KLHL25: variants seen among roughly 807,000 people sequenced by gnomAD.
KLHL25 encodes kelch like family member 25.
Under a neutral mutation model 30.0 loss-of-function variants are expected in KLHL25, and 41 were observed. The ratio of observed to expected loss-of-function variants is 1.37; its 90% CI spans 1.07 to 1.78. The LOEUF (loss-of-function observed/expected upper bound fraction) is 1.78, where lower values mean the gene tolerates loss of function less well. KLHL25 is among the 40% of genes most tolerant of loss of function. The pLI is 0.00. For synonymous variants in KLHL25, 399 were observed against 355.3 expected (o/e 1.12, Z -1.38); for missense variants, 971 against 824.5 (o/e 1.18, Z -2.18).
chr15:85,768,033 G>C lies in KLHL25; in HGVS notation c.*8C>G. On this transcript the variant is annotated 3_prime_UTR_variant, in exon 2 of 3. Coordinates refer to ENST00000337975, the MANE Select transcript of KLHL25 (RefSeq NM_022480.4). ...GGGACTCACCTGGCTGGGCTCAGCA[G>C]GTGCTCCTCACGCGGGCAGGTGCTT... 1 of 1,605,452 alleles carries C rather than the reference G, an allele frequency of 6.2e-7. No homozygotes were observed. The highest frequency in any genetic ancestry group is 8.5e-7 in the Non-Finnish European group (1 of 1,173,724).
Position 85,769,332 on chromosome 15 carries a change from T to C in KLHL25, c.479A>G (p.Gln160Arg). 6.2e-7 allele frequency: 1 copy of C among 1,614,034 alleles called. No homozygotes were observed. Among genetic ancestry groups the C allele is most frequent in the East Asian group, 2.2e-5 (1 of 44,866 alleles). Residue 160 changes from glutamine to arginine, a missense_variant, in exon 2 of 3, where the codon CAG (glutamine) becomes CGG (arginine). Gln to Arg is a conservative substitution (Grantham distance 43, BLOSUM62 1). Coordinates refer to ENST00000337975, the MANE Select transcript of KLHL25 (RefSeq NM_022480.4). ...GGAGAACTCATACAGCCGGCGGCAC[T>C]GGTGGGCGTCCGAGAGCAGCATCAT... ...LGMMLLSDAH[Q>R]CRRLYEFSWR...
rs1168587788 is a variant in KLHL25, at chr15:85,768,346, C to T, written c.1465G>A (p.Val489Ile). Residue 489 changes from valine to isoleucine, a missense_variant, in exon 2 of 3, where the codon GTC becomes ATC. Physicochemically the swap from Val to Ile is conservative, Grantham distance 29. Transcript: ENST00000337975. ...PQPWRYTAAA[V>I]LGSQIFIMGG... ...ATGATGAAGATCTGGCTGCCCAGGA[C>T]GGCAGCGGCTGTGTACCGCCAAGGC... The T allele has an allele frequency of 6.2e-7, 1 of 1,613,768 alleles. No homozygotes were observed. The highest frequency in any genetic ancestry group is 8.5e-7 in the Non-Finnish European group (1 of 1,180,026).
Position 85,769,358 on chromosome 15 carries a change from G to A in KLHL25, c.453C>T (p.Gly151=), listed in dbSNP as rs759733531. The A allele has an allele frequency of 6.2e-7, 1 of 1,614,184 alleles. No homozygotes were observed. Among genetic ancestry groups the A allele is most frequent in the Non-Finnish European group, 8.5e-7 (1 of 1,180,026 alleles). The change falls in exon 2 of 3, where the codon GGC becomes GGT. Residue 151 remains glycine, a synonymous_variant. Coordinates refer to ENST00000337975, the MANE Select transcript of KLHL25 (RefSeq NM_022480.4). ...GGTGGGCGTCCGAGAGCAGCATCATGCCCAGGCAGTTGGAGGGGAAAAGGT... is the reference window on the plus strand; with the variant it reads ...GGTGGGCGTCCGAGAGCAGCATCATACCCAGGCAGTTGGAGGGGAAAAGGT... ...EKNLFPSNCL[G]MMLLSDAHQC...
In KLHL25 at chr15:85,766,792, C is replaced by T. The variant is rs566602258; in HGVS notation, c.*24+1225G>A. ...GCTCCAAGGCCCTCAAGGATGACCT[C>T]GCTTAAGCTAGACGCCTGCCGGCTT... is the stretch of plus-strand genomic sequence containing the variant. On this transcript the variant is annotated intron_variant, in intron 2 of 2. Coordinates refer to ENST00000337975, the MANE Select transcript of KLHL25 (RefSeq NM_022480.4). 1.1e-4 allele frequency among the ~76,000 whole-genome samples: 16 copies of T among 152,310 alleles called. No individual in the cohort carries two copies. The East Asian group carries it at 3.1e-3, about 29-fold the overall frequency.
In KLHL25 at chr15:85,780,004, G is replaced by A. The variant is rs556968959; in HGVS notation, c.-10-10184C>T. On this transcript the variant is annotated intron_variant, in intron 1 of 2. Transcript: ENST00000337975. Reference sequence around the variant, plus strand: ...GTTCTATTTACCAGGTAGGCCACCCGCAAGCCACACTTAAACCACCCTGCA... The same window carrying A: ...GTTCTATTTACCAGGTAGGCCACCCACAAGCCACACTTAAACCACCCTGCA... Among the ~76,000 whole-genome samples the A allele has an allele frequency of 1.1e-4, 16 of 152,252 alleles. No homozygotes were observed. In the South Asian group the frequency reaches 2.7e-3, roughly 26 times the overall value.
intron 1 of KLHL25, among the ~76,000 whole-genome samples, chr15:85,780,901 T>C (rs1357097188): frequency 6.6e-6 from 1 of 152,114 alleles, no homozygotes; most frequent in African/African-American, 2.4e-5. Flanking sequence ...TGCCTGCACA[T>C]GGTTACAAAA....
In KLHL25 at chr15:85,769,402, C is replaced by T. The variant is rs777330803; in HGVS notation, c.409G>A (p.Ala137Thr). ...AAAAGGTTCTTCTCCAGGAACTCGG[C>T]GGCAGCATCCCGCACATCGTGGAAC... ...LQFHDVRDAA[A>T]EFLEKNLFPS... The change falls in exon 2 of 3, where the codon GCC becomes ACC. Residue 137 changes from alanine (A) to threonine (T), a missense_variant. By Grantham distance (58) the Ala-to-Thr change is moderately conservative (BLOSUM62 0). Coordinates refer to ENST00000337975, the MANE Select transcript of KLHL25 (RefSeq NM_022480.4). 36 of 1,614,030 alleles carry T rather than the reference C, an allele frequency of 2.2e-5. No homozygotes were observed. The highest frequency in any genetic ancestry group is 3.3e-5 in the Admixed American group (2 of 60,010).
At position 85,769,750 on chromosome 15, in the gene KLHL25, T is replaced by A. The variant is rs769461693; in HGVS notation, c.61A>T (p.Thr21Ser). The A allele has an allele frequency of 1.2e-6, 2 of 1,613,476 alleles. No homozygotes were observed. The highest frequency in any genetic ancestry group is 2.2e-5 in the South Asian group (2 of 91,074). ...SRSSTGSMNV[T>S]LFHKASHPDC... ...GGGTGGGAGGCCTTGTGGAAGAGGG[T>A]GACGTTCATGGACCCCGTGCTGCTC... The change falls in exon 2 of 3, where the codon ACC becomes TCC. Residue 21 changes from threonine (T) to serine (S), a missense_variant. Transcript: ENST00000337975.
intron 1 of KLHL25, among the ~76,000 whole-genome samples, chr15:85,790,379 C>T (rs1414176442): frequency 6.6e-6 from 1 of 152,160 alleles, no homozygotes; most frequent in Admixed American, 6.6e-5. Context: ...TGAGCCACCT[C>T]GCCCGGTCCA....
chr15:85,771,254 T>C (rs1023191714), intron 1 of KLHL25: 1 of 150,408 alleles, frequency 6.6e-6, no homozygotes, highest in Non-Finnish European at 1.5e-5. Context: ...GCAAACTGCA[T>C]TCCAGTATCT....
chr15:85,774,144 C>T lies in KLHL25; in HGVS notation c.-10-4324G>A, dbSNP rs138940701. Reference sequence around the variant, plus strand: ...TGTGAGAGGGCCCAAAAGCAGGCCCCGGGAAGCCTCCCTGTGCCCATGGCT... The same window carrying T: ...TGTGAGAGGGCCCAAAAGCAGGCCCTGGGAAGCCTCCCTGTGCCCATGGCT... On this transcript the variant is annotated intron_variant, in intron 1 of 2. Coordinates refer to ENST00000337975, the MANE Select transcript of KLHL25 (RefSeq NM_022480.4). 2.1e-4 allele frequency among the ~76,000 whole-genome samples: 32 copies of T among 152,258 alleles called. No individual in the cohort carries two copies. In the East Asian group the frequency reaches 5.0e-3, roughly 24 times the overall value.
chr15:85,791,002 C>A (rs2089812474), intron 1 of KLHL25, among the ~76,000 whole-genome samples: 1 of 151,348 alleles, frequency 6.6e-6, no homozygotes, highest in Non-Finnish European at 1.5e-5. Context: ...GAGTTCAAGA[C>A]CAGCCTGGCC....
At chr15:85,762,561 G>A (rs2089590218) in intron 2 of KLHL25, 1 of 152,444 alleles carries the variant, frequency 6.6e-6, no homozygotes, top group Non-Finnish European at 1.5e-5. Context: ...AGTGGACAAG[G>A]GTCAGCGGCC....
At chr15:85,773,870 C>G (rs776883133) in intron 1 of KLHL25, among the ~76,000 whole-genome samples, 1 of 152,106 alleles carries the variant, frequency 6.6e-6, no homozygotes, top group Non-Finnish European at 1.5e-5. Context: ...AGGCCTGTCA[C>G]TTAAGGACTC....
At chr15:85,786,217 C>T (rs1269873705) in intron 1 of KLHL25, among the ~76,000 whole-genome samples, 1 of 152,202 alleles carries the variant, frequency 6.6e-6, no homozygotes, top group Non-Finnish European at 1.5e-5. Flanking sequence ...CCCCTACCTA[C>T]ATCTGTCCCT....
At chr15:85,794,304 C>A (rs1180179159) in intron 1 of KLHL25, among the ~76,000 whole-genome samples, 2 of 152,230 alleles carry the variant, frequency 1.3e-5, no homozygotes, top group Admixed American at 1.3e-4. Flanking sequence ...CCTTGTGAAC[C>A]CCGGGCCCTC....
chr15:85,766,303 G>A (rs2089625237), intron 2 of KLHL25, among the ~76,000 whole-genome samples: 1 of 152,190 alleles, frequency 6.6e-6, no homozygotes, highest in South Asian at 2.1e-4. Context: ...TGCACCCAGG[G>A]ATCTTATGCC....
chr15:85,775,921 C>T (rs2089706102), intron 1 of KLHL25, among the ~76,000 whole-genome samples: 1 of 150,910 alleles, frequency 6.6e-6, no homozygotes, highest in Admixed American at 6.6e-5. Context: ...CACCTGCAAT[C>T]CCAGCACTTT....
At chr15:85,769,851 G>A (rs751396305) in intron 1 of KLHL25, 31 bp from the exon 2 acceptor site, 3 of 1,554,952 alleles carry the variant, frequency 1.9e-6, no homozygotes, top group Admixed American at 1.7e-5. Flanking sequence ...CAGGTTAGAG[G>A]AGCCCCTCCT....
Sources: gnomAD v4.1 joint callset for allele counts (sites outside exome capture counted in the v4.1 genomes callset) on GRCh38, gnomAD v4.1.1 for gene constraint, MANE v1.5 for transcripts, NCBI Gene and HGNC (gene_info 2026-07-23, HGNC 2026-07-21) for gene names.